DCC: variants seen among roughly 807,000 people sequenced by gnomAD.
DCC encodes the protein netrin receptor DCC.
DCC carries 58 observed loss-of-function variants against 172.5 expected under a neutral mutation model. The ratio of observed to expected loss-of-function variants is 0.34; its 90% CI spans 0.27 to 0.42. The LOEUF (loss-of-function observed/expected upper bound fraction) is 0.42, where lower values mean the gene tolerates loss of function less well. Ranked by LOEUF, DCC falls within the 10% of genes least tolerant of loss-of-function variation. The probability of loss-of-function intolerance (pLI) is 1.00; values close to 1 mark genes in which losing one functional copy is unlikely to be tolerated. For missense variants in DCC, 1,740 were observed against 1,791.0 expected (o/e 0.97, Z 0.51); for synonymous variants, 709 against 644.5 (o/e 1.10, Z -1.52).
At chr18:53,503,799 CT>C (rs2046134598) in intron 27 of DCC, among the ~76,000 whole-genome samples, 1 of 152,144 alleles carries the variant, frequency 6.6e-6, no homozygotes, top group African/African-American at 2.4e-5. Flanking sequence ...CATTAGCCCC[CT>C]GGACCTCTTG....
intron 1 of DCC, among the ~76,000 whole-genome samples, chr18:52,627,032 A>G (rs1482108829): frequency 6.6e-6 from 1 of 152,122 alleles, no homozygotes; most frequent in Non-Finnish European, 1.5e-5. Flanking sequence ...CCTCTGACAT[A>G]TCAGGCTGTT....
chr18:52,567,543 CAAACTCGTGGTCTCAG>C (rs2033187467), intron 1 of DCC, among the ~76,000 whole-genome samples: 1 of 152,116 alleles, frequency 6.6e-6, no homozygotes, highest in Admixed American at 6.6e-5. Flanking sequence ...AGTGAGGTCT[CAAACTCGTGGTCTCAG>C]AAACAGAAAG....
intron 9 of DCC, among the ~76,000 whole-genome samples, chr18:53,190,473 TGTGTGTGTGTG>T (rs2055350155): frequency 8.5e-6 from 1 of 117,196 alleles, no homozygotes; most frequent in Non-Finnish European, 1.9e-5. Flanking sequence ...TGTGTGTGTG[TGTGTGTGTGTG>T]TGTGTGTGTG....
intron 7 of DCC, among the ~76,000 whole-genome samples, chr18:53,099,943 C>CTTTT (rs533618559): frequency 1.1e-3 from 102 of 92,704 alleles, no homozygotes; most frequent in East Asian, 4.1e-3. Context: ...TTCTTTCTTT[C>CTTTT]TTTTTTTTTT....
intron 1 of DCC, among the ~76,000 whole-genome samples, chr18:52,378,158 G>A (rs1370251936): frequency 6.6e-6 from 1 of 152,110 alleles, no homozygotes; most frequent in Non-Finnish European, 1.5e-5. Context: ...GGTGAATTTA[G>A]GAGGATAGAT....
Position 52,769,608 on chromosome 18 carries a change from G to A in DCC, c.412+17234G>A, listed in dbSNP as rs189253883. Among the ~76,000 whole-genome samples, 133 of 152,190 alleles carry A rather than the reference G, an allele frequency of 8.7e-4. 1 individual carries two copies. Among genetic ancestry groups the A allele is most frequent in the Non-Finnish European group, 4.0e-4 (27 of 68,002 alleles). ...TCAGTCTATCAATTATTTCTTTCAAGGATCATGCCTTTACATATTGTTGTA... is the reference window on the plus strand; with the variant it reads ...TCAGTCTATCAATTATTTCTTTCAAAGATCATGCCTTTACATATTGTTGTA... On this transcript the variant is annotated intron_variant, in intron 2 of 28. Transcript: ENST00000442544.
At position 52,842,377 on chromosome 18, in the gene DCC, G is replaced by A. The variant is rs148646250; in HGVS notation, c.413-63667G>A. ...GGAAAGCTATTCATTTAGTCTGAAG[G>A]CCTGAGAATCAGGAACATTGAGGTA... On this transcript the variant is annotated intron_variant, in intron 2 of 28. Coordinates refer to ENST00000442544, the MANE Select transcript of DCC (RefSeq NM_005215.4). Among the ~76,000 whole-genome samples the A allele has an allele frequency of 2.3e-3, 347 of 152,278 alleles. 1 individual carries two copies. The highest frequency in any genetic ancestry group is 7.7e-3 in the African/African-American group (318 of 41,552).
intron 2 of DCC, among the ~76,000 whole-genome samples, chr18:52,847,690 T>G (rs991251547): frequency 1.3e-5 from 2 of 152,168 alleles, no homozygotes; most frequent in Non-Finnish European, 1.5e-5. Flanking sequence ...AGAAAAAGCT[T>G]GATACATCCT....
At chr18:52,760,312 G>A (rs1466088562) in intron 2 of DCC, among the ~76,000 whole-genome samples, 1 of 152,130 alleles carries the variant, frequency 6.6e-6, no homozygotes, top group Non-Finnish European at 1.5e-5. Context: ...ACAGCATTGG[G>A]GAACAACCCC....
chr18:53,116,719 C>T (rs1234820980), intron 7 of DCC, among the ~76,000 whole-genome samples: 1 of 151,722 alleles, frequency 6.6e-6, no homozygotes, highest in East Asian at 1.9e-4. Flanking sequence ...TACACTTCTT[C>T]TACTTCATTC....
At chr18:52,634,569 G>GA (rs2034737658) in intron 1 of DCC, among the ~76,000 whole-genome samples, 1 of 152,098 alleles carries the variant, frequency 6.6e-6, no homozygotes, top group Non-Finnish European at 1.5e-5. Context: ...CAGCAAGTGT[G>GA]GAAAAAGTGA....
chr18:52,391,166 A>G (rs1986016696), intron 1 of DCC, among the ~76,000 whole-genome samples: 1 of 152,144 alleles, frequency 6.6e-6, no homozygotes, highest in Admixed American at 6.6e-5. Context: ...AAACAGGCAC[A>G]TCCCCAAGCT....
intron 1 of DCC, among the ~76,000 whole-genome samples, chr18:52,742,841 G>A (rs569998711): frequency 6.6e-6 from 1 of 152,136 alleles, no homozygotes; most frequent in East Asian, 1.9e-4. Context: ...GAAGGATCCT[G>A]AAAATAACAA....
chr18:53,164,567 T>G (rs1185658990), intron 8 of DCC, among the ~76,000 whole-genome samples: 1 of 152,204 alleles, frequency 6.6e-6, no homozygotes, highest in African/African-American at 2.4e-5. Context: ...TATTTTACCA[T>G]CTGTGTGACT....
At chr18:53,051,336 T>C (rs6508191) in intron 5 of DCC, among the ~76,000 whole-genome samples, 41,272 of 151,978 alleles carry the variant, frequency 0.27, 6,072 homozygotes, top group African/African-American at 0.38. Flanking sequence ...TCATTCCTCC[T>C]CTCATTTGCC....
intron 7 of DCC, among the ~76,000 whole-genome samples, chr18:53,121,360 T>C (rs1033715298): frequency 3.9e-5 from 6 of 152,070 alleles, no homozygotes; most frequent in Middle Eastern, 3.4e-3. Flanking sequence ...TTATGTTAAA[T>C]ATTATAGCAA....
At chr18:52,440,384 T>A (rs1300160342) in intron 1 of DCC, among the ~76,000 whole-genome samples, 3 of 152,188 alleles carry the variant, frequency 2.0e-5, no homozygotes, top group Non-Finnish European at 4.4e-5. Flanking sequence ...TTTCTTTTTG[T>A]TTTTAATAAG....
chr18:53,175,188 G>A (rs1368789115), intron 8 of DCC, among the ~76,000 whole-genome samples: 1 of 152,056 alleles, frequency 6.6e-6, no homozygotes, highest in Admixed American at 6.6e-5. Context: ...CAAATAATAA[G>A]AGCTATCTAT....
intron 12 of DCC, among the ~76,000 whole-genome samples, chr18:53,217,810 T>C (rs1174630857): frequency 6.6e-6 from 1 of 152,110 alleles, no homozygotes; most frequent in Non-Finnish European, 1.5e-5. Context: ...AATAATGTGT[T>C]CTTTTTTAAT....
Sources: allele counts gnomAD v4.1 joint callset (sites outside exome capture counted in the v4.1 genomes callset), GRCh38; gene constraint gnomAD v4.1.1; transcripts MANE v1.5; gene names NCBI Gene and HGNC (gene_info 2026-07-23, HGNC 2026-07-21).